Variants in CLIC5 observed in about 807,000 individuals in gnomAD.
CLIC5 encodes the protein chloride intracellular channel protein 5.
Under a neutral mutation model 24.7 loss-of-function variants are expected in CLIC5, and 20 were observed. That is an observed-to-expected ratio of 0.81 (90% CI 0.57 to 1.18). The LOEUF (loss-of-function observed/expected upper bound fraction) is 1.18. Among genes scored for constraint, CLIC5 ranks in the 50% most tolerant of loss-of-function variants. The probability of loss-of-function intolerance (pLI) is 0.00; values close to 1 mark genes in which losing one functional copy is unlikely to be tolerated. For synonymous variants in CLIC5, 159 were observed against 135.6 expected (o/e 1.17, Z -1.20); for missense variants, 341 against 326.1 (o/e 1.05, Z -0.35).
intron 1 of CLIC5, among the ~76,000 whole-genome samples, chr6:46,035,101 G>A (rs1767624323): frequency 6.6e-6 from 1 of 152,168 alleles, no homozygotes; most frequent in Non-Finnish European, 1.5e-5. Context: ...AAGATAACTA[G>A]GATAGGTGAT....
chr6:45,981,774 G>A (rs1036435376), intron 1 of CLIC5, among the ~76,000 whole-genome samples: 6 of 152,206 alleles, frequency 3.9e-5, no homozygotes, highest in Non-Finnish European at 7.3e-5. Context: ...GGAGGCCAAG[G>A]AGGGTGGATC....
chr6:46,038,523 T>A (rs1767724516), intron 1 of CLIC5, among the ~76,000 whole-genome samples: 2 of 152,138 alleles, frequency 1.3e-5, no homozygotes, highest in African/African-American at 4.8e-5. Context: ...GTAAGAGCCA[T>A]GAACAATGGA....
intron 1 of CLIC5, among the ~76,000 whole-genome samples, chr6:45,966,735 GTTC>G (rs1765026912): frequency 1.3e-5 from 2 of 152,014 alleles, no homozygotes; most frequent in South Asian, 2.1e-4. Flanking sequence ...TTTCTACACT[GTTC>G]TTCTTCACCT....
the CLIC5 span, among the ~76,000 whole-genome samples, chr6:46,116,048 G>A: frequency 6.6e-6 from 1 of 152,016 alleles, no homozygotes; most frequent in East Asian, 1.9e-4. Context: ...GTGAGAGTGG[G>A]GCCCTGACCC....
rs1000871662 is a variant in CLIC5 at position 45,901,903 on chromosome 6, A to G, written c.*1185T>C. Reference sequence around the variant, plus strand: ...GACTTTCTTCCTAAGGTGTTCTATGATCAGACCACCTCCTAAATGTGGCTT... The same window carrying G: ...GACTTTCTTCCTAAGGTGTTCTATGGTCAGACCACCTCCTAAATGTGGCTT... On this transcript the variant is annotated 3_prime_UTR_variant, in exon 6 of 6. Transcript: ENST00000339561. 5.2e-5 allele frequency: 8 copies of G among 152,524 alleles called. No homozygotes were observed. The highest frequency in any genetic ancestry group is 1.2e-4 in the Non-Finnish European group (8 of 68,020). 9.4% of individuals were successfully genotyped at this position (152,524 alleles called of 1,614,324 possible).
At chr6:46,025,244 T>C (rs574219986) in intron 1 of CLIC5, among the ~76,000 whole-genome samples, 97 of 152,296 alleles carry the variant, frequency 6.4e-4, no homozygotes, top group African/African-American at 2.3e-3. Context: ...TAAATATGTA[T>C]AATGCACCCA....
intron 1 of CLIC5, among the ~76,000 whole-genome samples, chr6:45,959,207 T>C (rs1764768114): frequency 6.6e-6 from 1 of 152,216 alleles, no homozygotes; most frequent in African/African-American, 2.4e-5. Flanking sequence ...TTTTTAGTCT[T>C]AGAACTCTTT....
chr6:46,027,075 A>G (rs1767351532), intron 1 of CLIC5, among the ~76,000 whole-genome samples: 1 of 152,186 alleles, frequency 6.6e-6, no homozygotes, highest in Non-Finnish European at 1.5e-5. Flanking sequence ...ACCTTAGGGA[A>G]TAAAACAGTT....
rs1762823187 is a variant in CLIC5 at position 45,911,632 on chromosome 6, A to G, written c.588+2596T>C. 8.1e-6 allele frequency: 8 copies of G among 985,182 alleles called. 1 individual carries two copies. The South Asian group carries it at 3.3e-4, about 40-fold the overall frequency. 61.0% of individuals were successfully genotyped at this position (985,182 alleles called of 1,614,324 possible). ...ATAGAGTAGCCTCAAGTCATTTCATACTGAAATTTTATTTTCAGGATTTTA... is the reference window on the plus strand; with the variant it reads ...ATAGAGTAGCCTCAAGTCATTTCATGCTGAAATTTTATTTTCAGGATTTTA... On this transcript the variant is annotated intron_variant, in intron 5 of 5. Transcript: ENST00000339561.
At chr6:46,031,998 G>C (rs1177506327) in intron 1 of CLIC5, among the ~76,000 whole-genome samples, 3 of 150,762 alleles carry the variant, frequency 2.0e-5, no homozygotes, top group Admixed American at 6.6e-5. Context: ...TTTCCTGGAA[G>C]GCTAGATACT....
chr6:46,050,207 A>G (rs1021839448), intron 1 of CLIC5, among the ~76,000 whole-genome samples: 2 of 152,216 alleles, frequency 1.3e-5, no homozygotes, highest in East Asian at 1.9e-4. Context: ...CAGAGCAACC[A>G]AAGTTAATCT....
At chr6:46,094,715 G>T in the CLIC5 span, among the ~76,000 whole-genome samples, 6 of 152,212 alleles carry the variant, frequency 3.9e-5, no homozygotes, top group Admixed American at 2.0e-4. Context: ...CTGTCACTGA[G>T]TGCCTGTGGC....
At chr6:46,060,764 G>C (rs1319707792) in intron 1 of CLIC5, among the ~76,000 whole-genome samples, 3 of 152,058 alleles carry the variant, frequency 2.0e-5, no homozygotes, top group African/African-American at 4.8e-5. Context: ...CTTCATGAAA[G>C]CTTCCTTGAA....
intron 1 of CLIC5, among the ~76,000 whole-genome samples, chr6:45,968,315 C>T (rs1765084128): frequency 6.6e-6 from 1 of 152,152 alleles, no homozygotes; most frequent in Non-Finnish European, 1.5e-5. Flanking sequence ...AGCACTTATT[C>T]CTCCTGGGGT....
intron 1 of CLIC5, among the ~76,000 whole-genome samples, chr6:45,988,770 C>A (rs189898598): frequency 6.6e-6 from 1 of 152,196 alleles, no homozygotes; most frequent in African/African-American, 2.4e-5. Context: ...TCCTCCCTTG[C>A]GCTTTGTGGT....
At chr6:46,041,563 A>C (rs914505752) in intron 1 of CLIC5, among the ~76,000 whole-genome samples, 1 of 152,230 alleles carries the variant, frequency 6.6e-6, no homozygotes, top group Non-Finnish European at 1.5e-5. Context: ...GTTTCAAAAG[A>C]AAACAGGGAT....
Position 45,948,720 on chromosome 6 carries a change from C to T in CLIC5, c.299+536G>A, listed in dbSNP as rs185898960. Reference sequence around the variant, plus strand: ...AGAACTTATAGCTCTACGGTCTATACTCTCCCTGAACCTGTTTGCAGAAGA... The same window carrying T: ...AGAACTTATAGCTCTACGGTCTATATTCTCCCTGAACCTGTTTGCAGAAGA... On this transcript the variant is annotated intron_variant, in intron 3 of 5. Transcript: ENST00000339561. 4.0e-3 allele frequency among the ~76,000 whole-genome samples: 612 copies of T among 152,292 alleles called. 2 individuals are homozygous for T. Among genetic ancestry groups the T allele is most frequent in the Non-Finnish European group, 7.3e-3 (499 of 68,042 alleles).
chr6:46,004,999 C>T (rs1341200639), intron 1 of CLIC5, among the ~76,000 whole-genome samples: 2 of 152,196 alleles, frequency 1.3e-5, no homozygotes, highest in African/African-American at 2.4e-5. Flanking sequence ...GGTGAGACGG[C>T]CCCTCGTCTT....
At chr6:45,916,205 C>T (rs1250877780) in intron 4 of CLIC5, among the ~76,000 whole-genome samples, 5 of 152,202 alleles carry the variant, frequency 3.3e-5, no homozygotes, top group African/African-American at 9.7e-5. Flanking sequence ...TTTCTCAATA[C>T]TTTCTTCTCC....
Sources: allele counts gnomAD v4.1 joint callset (sites outside exome capture counted in the v4.1 genomes callset), GRCh38; gene constraint gnomAD v4.1.1; transcripts MANE v1.5; gene names NCBI Gene and HGNC (gene_info 2026-07-23, HGNC 2026-07-21).